ACYP2: variants seen among roughly 807,000 people sequenced by gnomAD.
ACYP2 encodes acylphosphatase-2.
ACYP2 carries 12 observed loss-of-function variants against 11.2 expected under a neutral mutation model. The ratio of observed to expected loss-of-function variants is 1.08; its 90% CI spans 0.69 to 1.74. The LOEUF is 1.74. Ranked by LOEUF, ACYP2 falls within the 40% of genes most tolerant of loss-of-function variation. The pLI is 0.00. For synonymous variants in ACYP2, 43 were observed against 32.2 expected (o/e 1.33, Z -1.13); for missense variants, 134 against 101.9 (o/e 1.31, Z -1.35).
At chr2:53,993,689 A>G (rs911646264) in intron 2 of ACYP2, among the ~76,000 whole-genome samples, 13 of 151,786 alleles carry the variant, frequency 8.6e-5, no homozygotes, top group African/African-American at 2.4e-4. Context: ...AGAGTGAGGG[A>G]AAAAAAAGGA....
chr2:53,986,467 G>A (rs1468905212), intron 2 of ACYP2, among the ~76,000 whole-genome samples: 4 of 151,694 alleles, frequency 2.6e-5, no homozygotes, highest in African/African-American at 2.4e-5. Flanking sequence ...CTCCTGAGTA[G>A]CTGGGATTAC....
chr2:54,176,040 A>G (rs1404883700), intron 6 of ACYP2, among the ~76,000 whole-genome samples: 1 of 152,172 alleles, frequency 6.6e-6, no homozygotes, highest in East Asian at 1.9e-4. Context: ...CTTATCAGGC[A>G]CTGAATCTAT....
rs138786529 is a variant in ACYP2, at chr2:54,091,470, G to A, written c.277+34110G>A. 2.5e-3 allele frequency among the ~76,000 whole-genome samples: 379 copies of A among 151,392 alleles called. 1 individual carries two copies. The highest frequency in any genetic ancestry group is 9.0e-3 in the African/African-American group (372 of 41,238). On this transcript the variant is annotated intron_variant, in intron 4 of 6. Coordinates refer to ENST00000607452, the MANE Select transcript of ACYP2 (RefSeq NM_001320586.2). The stretch of plus-strand genomic sequence containing the variant: ...CTTTTCTCTTCAAGTCCCTCTTAGA[G>A]CACATCTCACTCTCTTGATTTTATT...
chr2:53,971,907 A>C (rs184316072), intron 1 of ACYP2, among the ~76,000 whole-genome samples: 38 of 152,332 alleles, frequency 2.5e-4, no homozygotes, highest in African/African-American at 8.9e-4. Flanking sequence ...GGGGACGGAG[A>C]AATGAGACTG....
chr2:54,141,754 C>T, intron 6 of ACYP2: 9 of 429,702 alleles, frequency 2.1e-5, no homozygotes, highest in South Asian at 7.9e-5. Flanking sequence ...ATACTTTTAC[C>T]TATTTAACTG....
At chr2:54,133,369 A>T (rs1335591563) in intron 4 of ACYP2, among the ~76,000 whole-genome samples, 1 of 152,050 alleles carries the variant, frequency 6.6e-6, no homozygotes, top group African/African-American at 2.4e-5. Context: ...ACAGTTGTTT[A>T]TCTATTCCCA....
chr2:54,034,356 C>G (rs1674755431), intron 2 of ACYP2, among the ~76,000 whole-genome samples: 1 of 152,044 alleles, frequency 6.6e-6, no homozygotes, highest in Non-Finnish European at 1.5e-5. Context: ...AGACTCCAAC[C>G]TCTACCCCCC....
chr2:54,118,111 A>T (rs1037513942), intron 4 of ACYP2, among the ~76,000 whole-genome samples: 1 of 152,232 alleles, frequency 6.6e-6, no homozygotes, highest in African/African-American at 2.4e-5. Flanking sequence ...GTAGGAAAGG[A>T]GTCTCAGGTC....
rs144198474 is a variant in ACYP2, at chr2:54,020,137, A to G, written c.63-30821A>G. Among the ~76,000 whole-genome samples the G allele has an allele frequency of 5.6e-3, 859 of 152,160 alleles. 5 individuals carry two copies. Among genetic ancestry groups the G allele is most frequent in the Non-Finnish European group, 0.01 (687 of 68,002 alleles). ...TTTTTAGTAGAGATGGGGTTTAGCC[A>G]TGTTGGTCAGGCTGGTCTCGAATTC... On this transcript the variant is annotated intron_variant, in intron 2 of 6. Coordinates refer to ENST00000607452, the MANE Select transcript of ACYP2 (RefSeq NM_001320586.2).
At chr2:54,258,951 A>T (rs975409707) in intron 6 of ACYP2, among the ~76,000 whole-genome samples, 1 of 152,232 alleles carries the variant, frequency 6.6e-6, no homozygotes, top group Non-Finnish European at 1.5e-5. Flanking sequence ...AGAGAGGCTG[A>T]CTTGCATTAT....
intron 6 of ACYP2, among the ~76,000 whole-genome samples, chr2:54,148,037 G>C (rs1681975682): frequency 6.6e-6 from 1 of 152,186 alleles, no homozygotes; most frequent in Non-Finnish European, 1.5e-5. Context: ...CAATGTCTCT[G>C]TGGTTGTCTT....
chr2:54,209,490 A>C (rs1232749070), intron 6 of ACYP2, among the ~76,000 whole-genome samples: 3 of 152,202 alleles, frequency 2.0e-5, no homozygotes, highest in Non-Finnish European at 4.4e-5. Context: ...ATGTCTTAAA[A>C]TAACAATATT....
Position 54,178,498 on chromosome 2 carries a change from C to T in ACYP2, c.404+39750C>T, listed in dbSNP as rs571540748. Among the ~76,000 whole-genome samples, 6 of 152,276 alleles carry T rather than the reference C, an allele frequency of 3.9e-5. No individual in the cohort carries two copies. In the East Asian group the frequency reaches 9.6e-4, roughly 24 times the overall value. ...CACAGAAGAAAGCAAGGCTATGCCC[C>T]AATCCCACCACATTAAGATCCCCAG... On this transcript the variant is annotated intron_variant, in intron 6 of 6. Transcript: ENST00000607452.
intron 6 of ACYP2, among the ~76,000 whole-genome samples, chr2:54,163,317 T>TA (rs528953263): frequency 1.5e-3 from 236 of 152,338 alleles, no homozygotes; most frequent in Non-Finnish European, 2.9e-3. Context: ...AGACAATTTA[T>TA]AGAATGTAAT....
chr2:54,256,041 T>G lies in ACYP2; in HGVS notation c.405-48647T>G, dbSNP rs536180436. On this transcript the variant is annotated intron_variant, in intron 6 of 6. Coordinates refer to ENST00000607452, the MANE Select transcript of ACYP2 (RefSeq NM_001320586.2). ...GCTCCAAGCGGCCATCAAACATATC[T>G]GCCATTACCTCTGTCGCCTTGCTCT... is the stretch of plus-strand genomic sequence containing the variant. The G allele has an allele frequency of 6.2e-6, 10 of 1,614,126 alleles. No individual in the cohort carries two copies. In the East Asian group the frequency reaches 1.8e-4, roughly 29 times the overall value.
intron 2 of ACYP2, among the ~76,000 whole-genome samples, chr2:54,003,350 C>T (rs912020836): frequency 5.7e-4 from 87 of 152,096 alleles, no homozygotes; most frequent in Non-Finnish European, 9.6e-4. Flanking sequence ...ACCTCCGCCT[C>T]CCAAGTTCAA....
rs558036489 is a variant in ACYP2 at position 54,171,016 on chromosome 2, A to C, written c.404+32268A>C. 6.6e-5 allele frequency among the ~76,000 whole-genome samples: 10 copies of C among 152,226 alleles called. 1 individual carries two copies. The highest frequency in any genetic ancestry group is 2.4e-4 in the African/African-American group (10 of 41,524). ...CTGGTTGTACTGGGAGGCTATCAAG[A>C]CTATCGGGAGGGCTCGGCATTTCAT... On this transcript the variant is annotated intron_variant, in intron 6 of 6. Coordinates refer to ENST00000607452, the MANE Select transcript of ACYP2 (RefSeq NM_001320586.2).
Position 54,144,582 on chromosome 2 carries a change from G to A in ACYP2, c.404+5834G>A, listed in dbSNP as rs563623403. 2.0e-4 allele frequency among the ~76,000 whole-genome samples: 30 copies of A among 151,256 alleles called. No individual in the cohort carries two copies. The East Asian group carries it at 5.9e-3, about 29-fold the overall frequency. On this transcript the variant is annotated intron_variant, in intron 6 of 6. Coordinates refer to ENST00000607452, the MANE Select transcript of ACYP2 (RefSeq NM_001320586.2). Reference sequence around the variant, plus strand: ...CCAGCTACTTGGGAGGCTGAAGCAGGAGAATCGCTTGAACCCAGGAGCCAG... The same window carrying A: ...CCAGCTACTTGGGAGGCTGAAGCAGAAGAATCGCTTGAACCCAGGAGCCAG...
At chr2:54,089,117 C>T (rs192528379) in intron 4 of ACYP2, among the ~76,000 whole-genome samples, 2 of 152,304 alleles carry the variant, frequency 1.3e-5, no homozygotes, top group East Asian at 3.9e-4. Flanking sequence ...AAAGTTTGTT[C>T]TATCATTGGA....
Sources: gnomAD v4.1 joint callset for allele counts (sites outside exome capture counted in the v4.1 genomes callset) on GRCh38, gnomAD v4.1.1 for gene constraint, MANE v1.5 for transcripts, NCBI Gene and HGNC (gene_info 2026-07-23, HGNC 2026-07-21) for gene names.